HSDL1: variants seen among roughly 807,000 people sequenced by gnomAD.
HSDL1 encodes inactive hydroxysteroid dehydrogenase-like protein 1.
Under a neutral mutation model 31.5 loss-of-function variants are expected in HSDL1, and 29 were observed. The observed-to-expected ratio is 0.92, with a 90% CI of 0.69 to 1.26. HSDL1 has a LOEUF of 1.26. HSDL1 is among the 50% of genes most tolerant of loss of function. The pLI, the probability that HSDL1 is intolerant of heterozygous loss-of-function variation, is 0.00. For missense variants in HSDL1, 503 were observed against 416.6 expected, an observed-to-expected ratio of 1.21 and a Z score of -1.81; for synonymous variants, 222 against 155.2, an observed-to-expected ratio of 1.43 and a Z score of -3.20.
At chr16:84,137,014 C>T (rs113039009) in intron 1 of HSDL1, among the ~76,000 whole-genome samples, 35 of 145,734 alleles carry the variant, frequency 2.4e-4, no homozygotes, top group African/African-American at 8.9e-4. Flanking sequence ...ACTGGTCCTA[C>T]AGTCTCTCGA....
At chr16:84,134,112 G>C (rs2086691281) in intron 2 of HSDL1, among the ~76,000 whole-genome samples, 1 of 146,272 alleles carries the variant, frequency 6.8e-6, no homozygotes, top group Admixed American at 6.9e-5. Flanking sequence ...TTCAAAGTTA[G>C]GGCCCCCCCT....
intron 3 of HSDL1, 110 bp downstream of exon 3, chr16:84,130,992 T>C (rs1412963103): frequency 1.5e-5 from 13 of 876,230 alleles, no homozygotes; most frequent in Middle Eastern, 4.7e-4. Context: ...CCATAAGTTT[T>C]ATTTTTTTAT....
In HSDL1 at chr16:84,135,347, G is replaced by C. The variant is rs185285919; in HGVS notation, c.-7+197C>G. ...GGAAATGAGTTGCTCCAAGCCTATAGAGTAAGGCTCTCGCTACAAAAAGGA... is the reference window on the plus strand; with the variant it reads ...GGAAATGAGTTGCTCCAAGCCTATACAGTAAGGCTCTCGCTACAAAAAGGA... On this transcript the variant is annotated intron_variant, in intron 2 of 5. Transcript: ENST00000219439. Among the ~76,000 whole-genome samples the C allele has an allele frequency of 9.6e-3, 1,461 of 152,050 alleles. 25 individuals carry two copies. Among genetic ancestry groups the C allele is most frequent in the African/African-American group, 0.034 (1,389 of 41,448 alleles).
chr16:84,144,645 G>C (rs1006184410), intron 1 of HSDL1, among the ~76,000 whole-genome samples: 1 of 152,194 alleles, frequency 6.6e-6, no homozygotes, highest in Non-Finnish European at 1.5e-5. Context: ...CGACAAAGGA[G>C]GCGATTGCTG....
chr16:84,124,783 G>A, intron 5 of HSDL1, 55 bp from the exon 6 acceptor site: 2 of 1,196,938 alleles, frequency 1.7e-6, no homozygotes, highest in South Asian at 1.2e-5. Flanking sequence ...CAACACTGAA[G>A]GAACAAGTAC....
At chr16:84,136,509 CAGCCCTCAGCTCAGG>C (rs2086713600) in intron 1 of HSDL1, among the ~76,000 whole-genome samples, 2 of 152,262 alleles carry the variant, frequency 1.3e-5, no homozygotes, top group African/African-American at 4.8e-5. Context: ...GTCCAGCGCT[CAGCCCTCAGCTCAGG>C]AGCGGACCAC....
intron 5 of HSDL1, among the ~76,000 whole-genome samples, chr16:84,128,356 T>C (rs936247599): frequency 1.3e-5 from 2 of 152,122 alleles, no homozygotes; most frequent in Non-Finnish European, 2.9e-5. Flanking sequence ...CTGAAATATA[T>C]TGTAATAGAT....
chr16:84,134,186 C>G (rs1054666081), intron 2 of HSDL1, among the ~76,000 whole-genome samples: 1 of 152,120 alleles, frequency 6.6e-6, no homozygotes, highest in Admixed American at 6.6e-5. Context: ...GCCACCACCC[C>G]TCCCACAACC....
Position 84,129,565 on chromosome 16 carries a change from A to C in HSDL1, c.877T>G (p.Trp293Gly). 6.2e-7 allele frequency: 1 copy of C among 1,613,852 alleles called. No homozygotes were observed. The highest frequency in any genetic ancestry group is 1.1e-5 in the South Asian group (1 of 91,084). The change falls in exon 5 of 6, where the codon TGG becomes GGG. Residue 293 changes from tryptophan to glycine, a missense_variant. Transcript: ENST00000219439. ...ACTCCTACCTGAATAGAATGGGACCAATATCCTGTGGTCCTTTTGGAAATC... is the reference window on the plus strand; with the variant it reads ...ACTCCTACCTGAATAGAATGGGACCCATATCCTGTGGTCCTTTTGGAAATC... Reference protein sequence around the residue: ...LGISKRTTGYWSHSIQFLFAQ... With the variant: ...LGISKRTTGYGSHSIQFLFAQ...
intron 2 of HSDL1, among the ~76,000 whole-genome samples, chr16:84,133,810 G>A (rs955609324): frequency 7.2e-5 from 11 of 152,152 alleles, no homozygotes; most frequent in African/African-American, 2.4e-4. Context: ...GTCCACTGGG[G>A]CTCTGTGCAC....
intron 1 of HSDL1, chr16:84,139,215 T>C (rs376653806): frequency 1.3e-5 from 2 of 152,166 alleles, no homozygotes; most frequent in East Asian, 3.9e-4. Flanking sequence ...ACCCTGTAAA[T>C]ACGTCACCTT....
At position 84,123,868 on chromosome 16, in the gene HSDL1, G is replaced by A. The variant is rs1184520308; in HGVS notation, c.*762C>T. On this transcript the variant is annotated 3_prime_UTR_variant, in exon 6 of 6. Transcript: ENST00000219439. ...AATAAGTTCATTCCATAGCAGATTT[G>A]AAAAAACACAAATATAATGTAGGAA... 1 of 152,008 alleles carries A rather than the reference G, an allele frequency of 6.6e-6. No individual in the cohort carries two copies. The highest frequency in any genetic ancestry group is 1.5e-5 in the Non-Finnish European group (1 of 67,986). 9.4% of individuals were successfully genotyped at this position (152,008 alleles called of 1,614,324 possible).
intron 1 of HSDL1, among the ~76,000 whole-genome samples, chr16:84,144,637 A>T (rs913851282): frequency 6.6e-6 from 1 of 152,160 alleles, no homozygotes; most frequent in Admixed American, 6.5e-5. Context: ...AGAAGCACCG[A>T]CAAAGGAGGC....
intron 1 of HSDL1, among the ~76,000 whole-genome samples, chr16:84,136,469 C>T (rs1453586517): frequency 2.0e-5 from 3 of 152,272 alleles, no homozygotes; most frequent in African/African-American, 7.2e-5. Flanking sequence ...ACTACCAAGT[C>T]TCTGGCTGCA....
At chr16:84,126,203 GA>G (rs2086605376) in intron 5 of HSDL1, among the ~76,000 whole-genome samples, 1 of 152,072 alleles carries the variant, frequency 6.6e-6, no homozygotes, top group Non-Finnish European at 1.5e-5. Context: ...ACTGGGGCTT[GA>G]GGGGTAGTAT....
rs1392938028 is a variant in HSDL1, at chr16:84,131,519, ATCT to A, written c.-6-195_-6-193del. Among the ~76,000 whole-genome samples the A allele has an allele frequency of 2.2e-3, 328 of 150,652 alleles. 1 individual carries two copies. Among genetic ancestry groups the A allele is most frequent in the South Asian group, 9.6e-3 (46 of 4,796 alleles). Reference sequence around the variant, plus strand: ...TATCTATCTATCTATCTATCTATCTATCTATCTATCTATCAGACAGAGTCTCAC... The same window carrying A: ...TATCTATCTATCTATCTATCTATCTAATCTATCTATCAGACAGAGTCTCAC... On this transcript the variant is annotated intron_variant, in intron 2 of 5. Coordinates refer to ENST00000219439, the MANE Select transcript of HSDL1 (RefSeq NM_031463.5).
Position 84,131,299 on chromosome 16 carries a change from T to C in HSDL1, c.23A>G (p.Tyr8Cys). 1 of 1,613,738 alleles carries C rather than the reference T, an allele frequency of 6.2e-7. No homozygotes were observed. The highest frequency in any genetic ancestry group is 1.3e-5 in the African/African-American group (1 of 74,936). MAAVDSFYLLYREIARSC... is the reference protein window; with the variant it reads MAAVDSFCLLYREIARSC... The stretch of plus-strand genomic sequence containing the variant: ...CCTGGCGATTTCCCTGTACAAGAGG[T>C]AGAAACTGTCAACAGCAGCCATGGC... The change falls in exon 3 of 6, where the codon TAC (tyrosine) becomes TGC (cysteine). Residue 8 changes from tyrosine (Y) to cysteine (C), a missense_variant. Physicochemically the swap from Tyr to Cys is radical, Grantham distance 194. Coordinates refer to ENST00000219439, the MANE Select transcript of HSDL1 (RefSeq NM_031463.5).
chr16:84,133,102 A>C lies in HSDL1; in HGVS notation c.-6-1775T>G, dbSNP rs182711794. On this transcript the variant is annotated intron_variant, in intron 2 of 5. Coordinates refer to ENST00000219439, the MANE Select transcript of HSDL1 (RefSeq NM_031463.5). ...ACTGCAGTGTAATCTGAGCTCAACA[A>C]AGTTTTGCAAAGTAAAAAAGGAACC... 4.3e-3 allele frequency among the ~76,000 whole-genome samples: 650 copies of C among 152,128 alleles called. 3 individuals are homozygous for C. Among genetic ancestry groups the C allele is most frequent in the African/African-American group, 0.015 (616 of 41,532 alleles).
chr16:84,131,035 TC>T, intron 3 of HSDL1, 66 bp downstream of exon 3: 1 of 1,272,464 alleles, frequency 7.9e-7, no homozygotes, highest in Middle Eastern at 1.9e-4. Context: ...CACATTAAAT[TC>T]AATAGCTCCT....
Sources: gnomAD v4.1 joint callset for allele counts (sites outside exome capture counted in the v4.1 genomes callset) on GRCh38, gnomAD v4.1.1 for gene constraint, MANE v1.5 for transcripts, NCBI Gene and HGNC (gene_info 2026-07-23, HGNC 2026-07-21) for gene names.